ZDHHC2: variants seen among roughly 807,000 people sequenced by gnomAD.
The protein encoded by ZDHHC2 is zDHHC palmitoyltransferase 2, also known as palmitoyltransferase ZDHHC2.
ZDHHC2 carries 51 observed loss-of-function variants against 55.6 expected under a neutral mutation model. The observed-to-expected ratio is 0.92, with a 90% CI of 0.73 to 1.16. ZDHHC2 has a LOEUF of 1.16. ZDHHC2 is among the 50% of genes most tolerant of loss of function. The probability of loss-of-function intolerance (pLI) is 0.00; values close to 1 mark genes in which losing one functional copy is unlikely to be tolerated. For missense variants in ZDHHC2, 491 were observed against 442.4 expected (o/e 1.11, Z -0.99); for synonymous variants, 199 against 152.9 (o/e 1.30, Z -2.22).
intron 1 of ZDHHC2, among the ~76,000 whole-genome samples, chr8:17,166,196 C>G (rs1470038803): frequency 6.6e-6 from 1 of 152,128 alleles, no homozygotes; most frequent in Admixed American, 6.5e-5. Context: ...CTGCATCAAT[C>G]CAGGTGAGCG....
chr8:17,205,628 C>T, intron 6 of ZDHHC2, 27 bp from the exon 7 acceptor site: 4 of 1,577,352 alleles, frequency 2.5e-6, no homozygotes, highest in Non-Finnish European at 3.4e-6. Flanking sequence ...GTAAAACTCA[C>T]TGGAAATGTT....
intron 6 of ZDHHC2, among the ~76,000 whole-genome samples, chr8:17,201,664 G>GT (rs1585718648): frequency 5.6e-4 from 24 of 42,736 alleles, no homozygotes; most frequent in Admixed American, 3.0e-3. Context: ...CACGGTTTTT[G>GT]GTTTTTTTTT....
intron 1 of ZDHHC2, among the ~76,000 whole-genome samples, chr8:17,172,535 C>T (rs767094314): frequency 3.3e-5 from 5 of 152,152 alleles, no homozygotes; most frequent in Non-Finnish European, 5.9e-5. Context: ...TATACTCAAC[C>T]ATACGGTATT....
chr8:17,193,773 AT>A (rs57343730), intron 3 of ZDHHC2, among the ~76,000 whole-genome samples: 23,021 of 151,988 alleles, frequency 0.15, 2,219 homozygotes, highest in Admixed American at 0.29. Context: ...GCTTATTAGC[AT>A]TTTTTTTATT....
At chr8:17,192,200 G>A (rs1186346825) in intron 3 of ZDHHC2, among the ~76,000 whole-genome samples, 1 of 152,082 alleles carries the variant, frequency 6.6e-6, no homozygotes, top group Non-Finnish European at 1.5e-5. Context: ...TGCCTAGGCT[G>A]GCCTCAGACT....
chr8:17,207,354 C>T (rs568041029), intron 7 of ZDHHC2, among the ~76,000 whole-genome samples: 2 of 152,308 alleles, frequency 1.3e-5, no homozygotes, highest in Non-Finnish European at 2.9e-5. Flanking sequence ...TGGACTGTTT[C>T]AGCCCATGGA....
At chr8:17,215,420 T>A (rs905750451) in intron 11 of ZDHHC2, 71 bp downstream of exon 11, 1 of 1,138,062 alleles carries the variant, frequency 8.8e-7, no homozygotes. Context: ...TTAAAAAAAA[T>A]CCATTATACT....
chr8:17,210,593 A>C, intron 10 of ZDHHC2, 113 bp downstream of exon 10: 1 of 817,692 alleles, frequency 1.2e-6, no homozygotes. Flanking sequence ...AATTTACTGC[A>C]ATGGTTTCCA....
chr8:17,217,035 A>T, intron 11 of ZDHHC2, 137 bp from the exon 12 acceptor site: 1 of 720,134 alleles, frequency 1.4e-6, no homozygotes, highest in Non-Finnish European at 2.3e-6. Flanking sequence ...CTATATCACC[A>T]TCTTATATAT....
Position 17,215,259 on chromosome 8 carries a change from G to A in ZDHHC2, c.973G>A (p.Ala325Thr). ...AKNLENHQFP[A>T]KPLRESQSHL... ...CAGTCTCGAAAACCATCAGTTTCCT[G>A]CAAAGCCATTGAGAGAGTCCCAGAG... The change falls in exon 11 of 13, where the codon GCA (alanine) becomes ACA (threonine). Residue 325 changes from alanine (A) to threonine (T), a missense_variant. Physicochemically the swap from Ala to Thr is moderately conservative, Grantham distance 58. Transcript: ENST00000262096. The A allele has an allele frequency of 6.2e-7, 1 of 1,600,314 alleles. No individual in the cohort carries two copies.
At chr8:17,157,668 G>C (rs908479180) in intron 1 of ZDHHC2, 1 of 152,206 alleles carries the variant, frequency 6.6e-6, no homozygotes, top group African/African-American at 2.4e-5. Flanking sequence ...CTTAATGTAA[G>C]CTGGTTTCTA....
intron 3 of ZDHHC2, among the ~76,000 whole-genome samples, chr8:17,193,806 A>C (rs1460350330): frequency 6.6e-6 from 1 of 152,132 alleles, no homozygotes; most frequent in African/African-American, 2.4e-5. Context: ...TCTGGGGTAC[A>C]TGTCCAGAAC....
Position 17,192,138 on chromosome 8 carries a change from C to T in ZDHHC2, c.253-3366C>T, listed in dbSNP as rs549776964. ...AGCTGTGACTACAGGCATGCATCAC[C>T]ACGCCTATCTAATTTTTTTTAATTT... On this transcript the variant is annotated intron_variant, in intron 3 of 12. Transcript: ENST00000262096. 6.3e-4 allele frequency among the ~76,000 whole-genome samples: 96 copies of T among 152,180 alleles called. 1 individual carries two copies. The highest frequency in any genetic ancestry group is 7.1e-4 in the Non-Finnish European group (48 of 68,014).
At chr8:17,163,840 A>G (rs1175018890) in intron 1 of ZDHHC2, among the ~76,000 whole-genome samples, 11 of 152,232 alleles carry the variant, frequency 7.2e-5, no homozygotes, top group Non-Finnish European at 1.5e-5. Flanking sequence ...GAATTCTGTT[A>G]TTACATATTA....
chr8:17,170,936 TA>T (rs1804824183), intron 1 of ZDHHC2, among the ~76,000 whole-genome samples: 1 of 152,264 alleles, frequency 6.6e-6, no homozygotes, highest in Non-Finnish European at 1.5e-5. Context: ...CTTCCAATTC[TA>T]AAATTTTGGT....
At position 17,199,497 on chromosome 8, in the gene ZDHHC2, T is replaced by TTCGTCTTCGTCTTCGTCTTCG. The variant is rs1480481564; in HGVS notation, c.476+1086_476+1087insGTCTTCGTCTTCGTCTTCGTC. Among the ~76,000 whole-genome samples, 23 of 52,670 alleles carry TTCGTCTTCGTCTTCGTCTTCG rather than the reference T, an allele frequency of 4.4e-4. 1 individual carries two copies. The highest frequency in any genetic ancestry group is 1.5e-3 in the African/African-American group (23 of 15,120). 34.6% of individuals were successfully genotyped at this position (52,670 alleles called of 152,430 possible). A position where few individuals can be genotyped will look rare whatever the true frequency, so the allele number is the denominator to read the frequency against. On this transcript the variant is annotated intron_variant, in intron 6 of 12. Coordinates refer to ENST00000262096, the MANE Select transcript of ZDHHC2 (RefSeq NM_016353.5). ...CTTCTTCTTCTTCTTCTTCTTCTTC[T>TTCGTCTTCGTCTTCGTCTTCG]TCTTCTTCTTCTTCTTCGTCTTCGT...
At chr8:17,171,011 A>G (rs1804827837) in intron 1 of ZDHHC2, among the ~76,000 whole-genome samples, 1 of 152,184 alleles carries the variant, frequency 6.6e-6, no homozygotes, top group Admixed American at 6.5e-5. Context: ...TGGGTGGTAA[A>G]TAGCCATTAT....
At chr8:17,200,137 C>T (rs1392076311) in intron 6 of ZDHHC2, among the ~76,000 whole-genome samples, 3 of 152,146 alleles carry the variant, frequency 2.0e-5, no homozygotes, top group African/African-American at 7.2e-5. Context: ...CCCCATGACC[C>T]ACCTGCTGAA....
chr8:17,202,473 A>C (rs544174761), intron 6 of ZDHHC2, among the ~76,000 whole-genome samples: 1 of 152,342 alleles, frequency 6.6e-6, no homozygotes, highest in South Asian at 2.1e-4. Flanking sequence ...AATTGCCCAG[A>C]AACAGGGCCA....
Sources: gnomAD v4.1 joint callset for allele counts (sites outside exome capture counted in the v4.1 genomes callset) on GRCh38, gnomAD v4.1.1 for gene constraint, MANE v1.5 for transcripts, NCBI Gene and HGNC (gene_info 2026-07-23, HGNC 2026-07-21) for gene names.